RBMS3: variants seen among roughly 807,000 people sequenced by gnomAD.
The protein encoded by RBMS3 is RNA binding motif single stranded interacting protein 3, also known as RNA-binding motif, single-stranded-interacting protein 3.
A neutral mutation model predicts 66.8 loss-of-function variants in RBMS3; 27 were observed. That is an observed-to-expected ratio of 0.40 (90% CI 0.30 to 0.56). The LOEUF is 0.56. Ranked by LOEUF, RBMS3 falls within the 20% of genes least tolerant of loss-of-function variation. RBMS3 has a pLI of 0.40. For missense variants in RBMS3, 513 were observed against 549.5 expected, an observed-to-expected ratio of 0.93 and a Z score of 0.66; for synonymous variants, 188 against 183.0, an observed-to-expected ratio of 1.03 and a Z score of -0.22.
chr3:29,647,467 GCAGATGCCT>G (rs2049966006), intron 4 of RBMS3, among the ~76,000 whole-genome samples: 1 of 152,186 alleles, frequency 6.6e-6, no homozygotes, highest in African/African-American at 2.4e-5. Context: ...CATTTACATG[GCAGATGCCT>G]AAATGTTCCA....
intron 3 of RBMS3, among the ~76,000 whole-genome samples, chr3:29,577,226 G>A (rs2047150826): frequency 6.6e-6 from 1 of 152,172 alleles, no homozygotes. Flanking sequence ...AGATTAGGGG[G>A]CTTAGTATTC....
At position 29,489,880 on chromosome 3, in the gene RBMS3, T is replaced by TA. The variant is rs1263042460; in HGVS notation, c.307+1386dup. ...CAACATGGTGAAACCCTGTCTCTAC[T>TA]AAAAATACAAAGATTAGCTGGGCAC... On this transcript the variant is annotated intron_variant, in intron 3 of 14. Transcript: ENST00000383767. Among the ~76,000 whole-genome samples, 4 of 151,378 alleles carry TA rather than the reference T, an allele frequency of 2.6e-5. 1 individual carries two copies. The highest frequency in any genetic ancestry group is 9.7e-5 in the African/African-American group (4 of 41,320).
At chr3:29,719,283 A>G (rs565962811) in intron 4 of RBMS3, among the ~76,000 whole-genome samples, 2 of 152,332 alleles carry the variant, frequency 1.3e-5, no homozygotes, top group South Asian at 2.1e-4. Context: ...AAGCTAAGAC[A>G]TTGGACTAGG....
intron 5 of RBMS3, among the ~76,000 whole-genome samples, chr3:29,751,588 C>T (rs2055185290): frequency 6.6e-6 from 1 of 152,158 alleles, no homozygotes; most frequent in African/African-American, 2.4e-5. Flanking sequence ...TTTGCCACTA[C>T]CTAAGCAAAA....
At chr3:29,459,203 A>G (rs1315271863) in intron 2 of RBMS3, among the ~76,000 whole-genome samples, 1 of 152,174 alleles carries the variant, frequency 6.6e-6, no homozygotes, top group African/African-American at 2.4e-5. Context: ...TTTCTTAATT[A>G]TCATTAAGAA....
chr3:29,585,937 G>A (rs3773100), intron 3 of RBMS3, among the ~76,000 whole-genome samples: 9,042 of 152,032 alleles, frequency 0.059, 556 homozygotes, highest in East Asian at 0.32. Context: ...GAGATTCGAG[G>A]GGAAAAAATT....
intron 1 of RBMS3, among the ~76,000 whole-genome samples, chr3:29,414,203 C>A (rs73042521): frequency 6.6e-6 from 1 of 152,062 alleles, no homozygotes; most frequent in Non-Finnish European, 1.5e-5. Context: ...TGTGCAAAAT[C>A]AAAAACAAAA....
In RBMS3 at chr3:29,294,446, G is replaced by GA. The variant is rs202223715; in HGVS notation, c.75+12700dup. Among the ~76,000 whole-genome samples, 142 of 145,350 alleles carry GA rather than the reference G, an allele frequency of 9.8e-4. 1 individual carries two copies. The South Asian group carries it at 0.017, about 17-fold the overall frequency. On this transcript the variant is annotated intron_variant, in intron 1 of 14. Transcript: ENST00000383767. ...TAAGTCAGAAACTAATAGAAAAAAA[G>GA]AAAAAAAAAACATAGTACTGCATTA...
intron 6 of RBMS3, among the ~76,000 whole-genome samples, chr3:29,807,962 A>G (rs9841011): frequency 0.51 from 76,622 of 151,628 alleles, 20,249 homozygotes; most frequent in African/African-American, 0.59. Flanking sequence ...AAAACCAAGC[A>G]CAGTTTTCTA....
At chr3:29,553,462 G>A (rs1442256145) in intron 3 of RBMS3, among the ~76,000 whole-genome samples, 1 of 152,120 alleles carries the variant, frequency 6.6e-6, no homozygotes, top group Non-Finnish European at 1.5e-5. Flanking sequence ...AGGGGATCAG[G>A]TCTTTTTACA....
chr3:29,650,443 A>C (rs2050105550), intron 4 of RBMS3, among the ~76,000 whole-genome samples: 1 of 152,050 alleles, frequency 6.6e-6, no homozygotes, highest in African/African-American at 2.4e-5. Flanking sequence ...TGCCCATGTT[A>C]TCACACCCAG....
intron 6 of RBMS3, among the ~76,000 whole-genome samples, chr3:29,785,888 T>A (rs9837721): frequency 1.3e-5 from 2 of 151,626 alleles, no homozygotes; most frequent in Non-Finnish European, 1.5e-5. Context: ...AATAGATAAA[T>A]AGGAAGTCAA....
intron 6 of RBMS3, among the ~76,000 whole-genome samples, chr3:29,783,856 G>A (rs1425104962): frequency 3.9e-5 from 6 of 152,104 alleles, no homozygotes; most frequent in Admixed American, 3.9e-4. Flanking sequence ...GGAAAATTAT[G>A]TTCCATGCAA....
chr3:29,946,444 A>G (rs758930949), intron 12 of RBMS3, among the ~76,000 whole-genome samples: 34 of 151,738 alleles, frequency 2.2e-4, no homozygotes, highest in Admixed American at 1.3e-4. Flanking sequence ...CAATATTTCA[A>G]CATTTATTGA....
chr3:29,747,524 T>C (rs1370706317), intron 5 of RBMS3, among the ~76,000 whole-genome samples: 1 of 152,056 alleles, frequency 6.6e-6, no homozygotes, highest in Non-Finnish European at 1.5e-5. Flanking sequence ...AATTCAGAGA[T>C]GTACATACAC....
chr3:29,496,195 C>CA (rs60639896), intron 3 of RBMS3, among the ~76,000 whole-genome samples: 4,230 of 110,360 alleles, frequency 0.038, 63 homozygotes, highest in Middle Eastern at 0.059. Context: ...CCGCCCACAT[C>CA]AAAAAAAAAA....
intron 12 of RBMS3, among the ~76,000 whole-genome samples, chr3:29,978,547 G>A (rs1398721620): frequency 2.0e-5 from 3 of 151,486 alleles, no homozygotes; most frequent in African/African-American, 7.3e-5. Flanking sequence ...AATCTCTACT[G>A]GTTATTTTAA....
intron 4 of RBMS3, among the ~76,000 whole-genome samples, chr3:29,618,780 T>A (rs2048762768): frequency 6.6e-6 from 1 of 152,194 alleles, no homozygotes; most frequent in Non-Finnish European, 1.5e-5. Context: ...GCCGTAATAA[T>A]TTTGGAAAAT....
chr3:29,998,209 A>G (rs374858423), intron 14 of RBMS3, among the ~76,000 whole-genome samples: 25 of 152,158 alleles, frequency 1.6e-4, no homozygotes, highest in Middle Eastern at 6.8e-3. Context: ...AACTTACAAG[A>G]GATGTGAAGG....
Sources: gnomAD v4.1 joint callset for allele counts (sites outside exome capture counted in the v4.1 genomes callset) on GRCh38, gnomAD v4.1.1 for gene constraint, MANE v1.5 for transcripts, NCBI Gene and HGNC (gene_info 2026-07-23, HGNC 2026-07-21) for gene names.